The following OR7E24 variants were observed in gnomAD, a reference collection of about 807,000 sequenced individuals.
The protein encoded by OR7E24 is olfactory receptor family 7 subfamily E member 24, also known as olfactory receptor 7E24.
For synonymous variants in OR7E24, 130 were observed against 157.5 expected (o/e 0.83, Z 1.31); for missense variants, 385 against 410.3 (o/e 0.94, Z 0.53).
chr19:9,245,392 A>G (rs564700665), upstream of OR7E24, among the ~76,000 whole-genome samples: 3 of 152,360 alleles, frequency 2.0e-5, no homozygotes, highest in African/African-American at 7.2e-5. Flanking sequence ...CAAACAAGCA[A>G]AAAAACCTGT....
the OR7E24 span, among the ~76,000 whole-genome samples, chr19:9,239,814 T>G: frequency 6.8e-6 from 1 of 147,988 alleles, no homozygotes; most frequent in Non-Finnish European, 1.5e-5. Flanking sequence ...CTTCAAGCAA[T>G]TCTCCTGTCT....
At chr19:9,219,010 A>G in the OR7E24 span, among the ~76,000 whole-genome samples, 1 of 152,170 alleles carries the variant, frequency 6.6e-6, no homozygotes, top group East Asian at 1.9e-4. Context: ...TCTATATGAT[A>G]TCATGGATAC....
At chr19:9,217,064 C>A in the OR7E24 span, among the ~76,000 whole-genome samples, 2 of 152,164 alleles carry the variant, frequency 1.3e-5, no homozygotes, top group Admixed American at 1.3e-4. Context: ...TCATGAAGAT[C>A]CCTATGCTTC....
chr19:9,239,952 C>T, the OR7E24 span, among the ~76,000 whole-genome samples: 9 of 152,034 alleles, frequency 5.9e-5, no homozygotes, highest in African/African-American at 1.9e-4. Flanking sequence ...GTGATACACC[C>T]GCCTTGGCCT....
chr19:9,218,623 C>T, the OR7E24 span, among the ~76,000 whole-genome samples: 3,207 of 152,156 alleles, frequency 0.021, 124 homozygotes, highest in African/African-American at 0.072. Context: ...TTTTGGTGAA[C>T]ATGCAAATGG....
chr19:9,224,661 A>C, the OR7E24 span, among the ~76,000 whole-genome samples: 1 of 152,084 alleles, frequency 6.6e-6, no homozygotes, highest in Non-Finnish European at 1.5e-5. Flanking sequence ...GCTACTTGGG[A>C]GGCTGAGGCA....
upstream of OR7E24, among the ~76,000 whole-genome samples, chr19:9,244,461 T>C (rs1465957332): frequency 6.6e-6 from 1 of 152,232 alleles, no homozygotes; most frequent in Non-Finnish European, 1.5e-5. Context: ...AAGACAGCCT[T>C]TTCAACAAAC....
rs761902504 is a variant in OR7E24 at position 9,251,609 on chromosome 19, A to C, written c.566A>C (p.Asp189Ala). 3.4e-5 allele frequency: 55 copies of C among 1,613,248 alleles called. 3 individuals carry two copies. The South Asian group carries it at 5.9e-4, about 17-fold the overall frequency. The change falls in exon 1 of 1, where the codon GAT (aspartate) becomes GCT (alanine). Residue 189 changes from aspartate (D) to alanine (A), a missense_variant. Transcript: ENST00000456448. ...ATGTTACAGCTCACCTGCTTCAAGG[A>C]TGTGGACATTTCTAATTTCTTCTGT... ...LIMLQLTCFK[D>A]VDISNFFCDP...
chr19:9,234,447 T>C, the OR7E24 span, among the ~76,000 whole-genome samples: 1 of 152,208 alleles, frequency 6.6e-6, no homozygotes, highest in Non-Finnish European at 1.5e-5. Context: ...ACAATCATAT[T>C]TTTAGAAAGA....
chr19:9,231,319 T>C, the OR7E24 span, among the ~76,000 whole-genome samples: 2 of 152,104 alleles, frequency 1.3e-5, no homozygotes, highest in Admixed American at 6.5e-5. Context: ...TGGTGGCTCA[T>C]GCCTGTAATC....
chr19:9,236,128 C>T, the OR7E24 span: 7 of 986,118 alleles, frequency 7.1e-6, no homozygotes, highest in South Asian at 9.8e-5. Flanking sequence ...GTCCCTTAAG[C>T]AAATGTGAAT....
chr19:9,250,833 G>T, upstream of OR7E24: 1 of 411,844 alleles, frequency 2.4e-6, no homozygotes, highest in Non-Finnish European at 4.3e-6. Context: ...TAATGTTTTT[G>T]CTCTCCTAAC....
At position 9,251,536 on chromosome 19, in the gene OR7E24, T is replaced by A; in HGVS notation, c.493T>A (p.Leu165Met). 6.2e-7 allele frequency: 1 copy of A among 1,614,098 alleles called. No homozygotes were observed. Among genetic ancestry groups the A allele is most frequent in the Non-Finnish European group, 8.5e-7 (1 of 1,180,012 alleles). ...ACGCCTCTGTGGCTTCTTAATCTTG[T>A]TGTCTTTTTTTATTAGTCTTTTGGA... is the stretch of plus-strand genomic sequence containing the variant. ...NPRLCGFLIL[L>M]SFFISLLDSQ... Residue 165 changes from leucine to methionine, a missense_variant, in exon 1 of 1, where the codon TTG (leucine) becomes ATG (methionine). Coordinates refer to ENST00000456448, the MANE Select transcript of OR7E24 (RefSeq NM_001079935.2).
chr19:9,239,624 C>G, the OR7E24 span, among the ~76,000 whole-genome samples: 2 of 151,804 alleles, frequency 1.3e-5, no homozygotes, highest in Non-Finnish European at 2.9e-5. Context: ...CTATTCAGAT[C>G]CTTTGTCTAT....
At position 9,251,267 on chromosome 19, in the gene OR7E24, C is replaced by A. The variant is rs748228173; in HGVS notation, c.224C>A (p.Thr75Asn). ...GTCAGCTCTGACTCCCACCTCCACACCCCCATGTACTTCTTCCTCTCCAAC... is the reference window on the plus strand; with the variant it reads ...GTCAGCTCTGACTCCCACCTCCACAACCCCATGTACTTCTTCCTCTCCAAC... ...LAVSSDSHLH[T>N]PMYFFLSNLS... The change falls in exon 1 of 1, where the codon ACC becomes AAC. Residue 75 changes from threonine (T) to asparagine (N), a missense_variant. By Grantham distance (65) the Thr-to-Asn change is moderately conservative. Transcript: ENST00000456448. 1.9e-6 allele frequency: 3 copies of A among 1,613,972 alleles called. No individual in the cohort carries two copies. The highest frequency in any genetic ancestry group is 1.7e-6 in the Non-Finnish European group (2 of 1,179,928).
the OR7E24 span, among the ~76,000 whole-genome samples, chr19:9,240,264 C>T: frequency 6.6e-6 from 1 of 152,140 alleles, no homozygotes; most frequent in Non-Finnish European, 1.5e-5. Context: ...ACTTTTTAGC[C>T]TGATGCAATC....
At chr19:9,213,893 G>A in the OR7E24 span, 1 of 1,608,452 alleles carries the variant, frequency 6.2e-7, no homozygotes, top group Non-Finnish European at 8.5e-7. Context: ...CTGAGGCCCT[G>A]ATTTGTCATG....
At chr19:9,215,015 G>T in the OR7E24 span, 4 of 579,382 alleles carry the variant, frequency 6.9e-6, no homozygotes, top group Admixed American at 9.5e-5. Flanking sequence ...TATTCTATTT[G>T]TGTAGAGTTA....
the OR7E24 span, among the ~76,000 whole-genome samples, chr19:9,225,229 A>G: frequency 6.6e-6 from 1 of 151,706 alleles, no homozygotes; most frequent in African/African-American, 2.4e-5. Context: ...AATTAGCCAG[A>G]TGTGATGGCA....
Sources: allele counts gnomAD v4.1 joint callset (sites outside exome capture counted in the v4.1 genomes callset), GRCh38; gene constraint gnomAD v4.1.1; transcripts MANE v1.5; gene names NCBI Gene and HGNC (gene_info 2026-07-23, HGNC 2026-07-21).